The following CSMD1 variants were observed in gnomAD, a reference collection of about 807,000 sequenced individuals.
The protein encoded by CSMD1 is CUB and Sushi multiple domains 1.
CSMD1 carries 213 observed loss-of-function variants against 417.5 expected under a neutral mutation model. That is an observed-to-expected ratio of 0.51 (90% confidence interval 0.46 to 0.57). The LOEUF (loss-of-function observed/expected upper bound fraction) is 0.57. Ranked by LOEUF, CSMD1 falls within the 20% of genes least tolerant of loss-of-function variation. The pLI is 0.00. For missense variants in CSMD1, 6,923 were observed against 4,529.7 expected (o/e 1.53, Z -15.17); for synonymous variants, 2,862 against 1,736.8 (o/e 1.65, Z -16.11).
At chr8:3,441,808 T>C (rs971233399) in intron 12 of CSMD1, among the ~76,000 whole-genome samples, 1 of 150,656 alleles carries the variant, frequency 6.6e-6, no homozygotes, top group African/African-American at 2.5e-5. Context: ...TGCTATACTA[T>C]CCATCACTGT....
intron 2 of CSMD1, among the ~76,000 whole-genome samples, chr8:4,430,459 T>C (rs1365947468): frequency 6.6e-6 from 1 of 152,184 alleles, no homozygotes; most frequent in African/African-American, 2.4e-5. Context: ...CATTTGGTTA[T>C]GGTGATTTAA....
chr8:3,663,280 G>C (rs1585037803), intron 7 of CSMD1, among the ~76,000 whole-genome samples: 1 of 152,160 alleles, frequency 6.6e-6, no homozygotes, highest in Non-Finnish European at 1.5e-5. Context: ...ACTACTGACA[G>C]ACAGGGGTGG....
intron 49 of CSMD1, among the ~76,000 whole-genome samples, chr8:3,082,393 C>T (rs28715140): frequency 0.1 from 15,484 of 152,198 alleles, 753 homozygotes; most frequent in African/African-American, 0.14. Context: ...AACCCATCGT[C>T]CTCCACCATG....
chr8:3,750,378 T>C (rs981505191), intron 6 of CSMD1, among the ~76,000 whole-genome samples: 2 of 150,678 alleles, frequency 1.3e-5, no homozygotes, highest in African/African-American at 2.4e-5. Context: ...ATACGATATA[T>C]ATGATTCAAG....
At chr8:4,757,353 C>A (rs1811731551) in intron 1 of CSMD1, among the ~76,000 whole-genome samples, 1 of 152,128 alleles carries the variant, frequency 6.6e-6, no homozygotes, top group South Asian at 2.1e-4. Flanking sequence ...CTAGCTAGGC[C>A]CCAACTCAGT....
intron 11 of CSMD1, among the ~76,000 whole-genome samples, chr8:3,481,493 G>C (rs1817748216): frequency 6.6e-6 from 1 of 152,164 alleles, no homozygotes; most frequent in Non-Finnish European, 1.5e-5. Context: ...GTTGTAGTAA[G>C]ATAAATAATG....
At chr8:4,533,759 G>A (rs1254484653) in intron 2 of CSMD1, among the ~76,000 whole-genome samples, 4 of 151,586 alleles carry the variant, frequency 2.6e-5, no homozygotes, top group Admixed American at 1.3e-4. Context: ...GTATTACAGT[G>A]GGAGTATTTT....
intron 9 of CSMD1, among the ~76,000 whole-genome samples, chr8:3,583,275 T>C (rs1209770600): frequency 1.3e-5 from 2 of 151,818 alleles, no homozygotes; most frequent in Non-Finnish European, 2.9e-5. Context: ...TGCTTGGACA[T>C]GAGGTGTTGC....
chr8:4,341,910 C>T (rs1009829202), intron 3 of CSMD1, among the ~76,000 whole-genome samples: 12 of 152,100 alleles, frequency 7.9e-5, no homozygotes, highest in African/African-American at 2.9e-4. Context: ...TACTCATTAT[C>T]TGTACTTAGA....
chr8:3,337,506 A>G (rs1807346539), intron 23 of CSMD1, among the ~76,000 whole-genome samples: 1 of 152,150 alleles, frequency 6.6e-6, no homozygotes, highest in South Asian at 2.1e-4. Context: ...TTGCCTAAAC[A>G]ATGAGATAGG....
chr8:4,697,788 C>A (rs75704888), intron 1 of CSMD1, among the ~76,000 whole-genome samples: 1 of 152,146 alleles, frequency 6.6e-6, no homozygotes, highest in Non-Finnish European at 1.5e-5. Context: ...TGATAAAATA[C>A]ACACACATTC....
At chr8:3,351,403 G>C (rs1234707490) in intron 21 of CSMD1, among the ~76,000 whole-genome samples, 1 of 151,718 alleles carries the variant, frequency 6.6e-6, no homozygotes, top group African/African-American at 2.4e-5. Context: ...CTGAGGTCAG[G>C]AGTTGAAGAC....
At chr8:3,595,601 T>A (rs1326094658) in intron 8 of CSMD1, among the ~76,000 whole-genome samples, 1 of 152,158 alleles carries the variant, frequency 6.6e-6, no homozygotes, top group Admixed American at 6.6e-5. Context: ...ATAGGATGGT[T>A]CCAGGGTATA....
At chr8:4,934,037 T>C (rs1807436069) in intron 1 of CSMD1, among the ~76,000 whole-genome samples, 1 of 151,950 alleles carries the variant, frequency 6.6e-6, no homozygotes, top group African/African-American at 2.4e-5. Context: ...GATGATGAGA[T>C]AAATGTGTTC....
chr8:3,860,503 TG>T (rs1804626563), intron 5 of CSMD1, among the ~76,000 whole-genome samples: 1 of 152,202 alleles, frequency 6.6e-6, no homozygotes, highest in Admixed American at 6.5e-5. Flanking sequence ...AGTTCCTTTA[TG>T]CAAGGTACCT....
intron 1 of CSMD1, among the ~76,000 whole-genome samples, chr8:4,846,025 G>A (rs574280908): frequency 4.2e-4 from 64 of 152,252 alleles, no homozygotes; most frequent in African/African-American, 1.5e-3. Flanking sequence ...TCACTTCTTT[G>A]TTTTTCCAGA....
intron 3 of CSMD1, among the ~76,000 whole-genome samples, chr8:4,342,992 G>A (rs1482512123): frequency 2.0e-5 from 3 of 152,092 alleles, no homozygotes; most frequent in Non-Finnish European, 4.4e-5. Context: ...CCAAGCTGTA[G>A]CGTAGATTGC....
At chr8:3,007,362 G>T (rs568398677) in intron 52 of CSMD1, among the ~76,000 whole-genome samples, 4 of 151,982 alleles carry the variant, frequency 2.6e-5, no homozygotes, top group Non-Finnish European at 4.4e-5. Context: ...AGTCAGTGTG[G>T]CGATTCCTCA....
At chr8:4,174,632 G>C (rs578053689) in intron 3 of CSMD1, among the ~76,000 whole-genome samples, 4 of 147,132 alleles carry the variant, frequency 2.7e-5, no homozygotes, top group Admixed American at 1.4e-4. Flanking sequence ...CAAACTCTAA[G>C]ACCTGGGAAT....
Sources: allele counts gnomAD v4.1 joint callset (sites outside exome capture counted in the v4.1 genomes callset), GRCh38; gene constraint gnomAD v4.1.1; transcripts MANE v1.5; gene names NCBI Gene and HGNC (gene_info 2026-07-23, HGNC 2026-07-21).